GDF15: variants seen among roughly 807,000 people sequenced by gnomAD.
GDF15 encodes growth differentiation factor 15, also known as growth/differentiation factor 15.
GDF15 carries 10 observed loss-of-function variants against 8.9 expected under a neutral mutation model. The observed-to-expected ratio is 1.12, with a 90% CI of 0.69 to 1.90. The LOEUF (loss-of-function observed/expected upper bound fraction) is 1.90. Ranked by LOEUF, GDF15 falls within the 40% of genes most tolerant of loss-of-function variation. The pLI is 0.00. For synonymous variants in GDF15, 228 were observed against 210.6 expected, an observed-to-expected ratio of 1.08 and a Z score of -0.72; for missense variants, 452 against 434.2, an observed-to-expected ratio of 1.04 and a Z score of -0.36.
In GDF15 at chr19:18,386,200, A is replaced by T. The variant is rs373073926; in HGVS notation, c.11A>T (p.Gln4Leu). 7 of 1,611,534 alleles carry T rather than the reference A, an allele frequency of 4.3e-6. No individual in the cohort carries two copies. The African/African-American group carries it at 9.4e-5, about 22-fold the overall frequency. Reference protein sequence around the residue: MPGQELRTVNGSQM... With the variant: MPGLELRTVNGSQM... ...GCAACCTGCACAGCCATGCCCGGGC[A>T]AGAACTCAGGACGGTGAATGGCTCT... The change falls in exon 1 of 2, where the codon CAA becomes CTA. Residue 4 changes from glutamine to leucine, a missense_variant. By Grantham distance (113) the Gln-to-Leu change is moderately radical. Coordinates refer to ENST00000252809, the MANE Select transcript of GDF15 (RefSeq NM_004864.4).
In GDF15 at chr19:18,386,400, C is replaced by A. The variant is rs771892633; in HGVS notation, c.211C>A (p.Gln71Lys). 1 of 1,613,954 alleles carries A rather than the reference C, an allele frequency of 6.2e-7. No homozygotes were observed. The highest frequency in any genetic ancestry group is 8.5e-7 in the Non-Finnish European group (1 of 1,180,006). ...EDLLTRLRAN[Q>K]SWEDSNTDLV... is the part of the protein sequence containing the mutation. Reference sequence around the variant, plus strand: ...CCTGCTAACCAGGCTGCGGGCCAACCAGAGCTGGGAAGATTCGAACACCGA... The same window carrying A: ...CCTGCTAACCAGGCTGCGGGCCAACAAGAGCTGGGAAGATTCGAACACCGA... Residue 71 changes from glutamine to lysine, a missense_variant, in exon 1 of 2, where the codon CAG becomes AAG. By Grantham distance (53) the Gln-to-Lys change is moderately conservative. Coordinates refer to ENST00000252809, the MANE Select transcript of GDF15 (RefSeq NM_004864.4).
chr19:18,386,400 C>G lies in GDF15; in HGVS notation c.211C>G (p.Gln71Glu). The change falls in exon 1 of 2, where the codon CAG (glutamine) becomes GAG (glutamate). Residue 71 changes from glutamine (Q) to glutamate (E), a missense_variant. By Grantham distance (29) the Gln-to-Glu change is conservative. Coordinates refer to ENST00000252809, the MANE Select transcript of GDF15 (RefSeq NM_004864.4). ...EDLLTRLRAN[Q>E]SWEDSNTDLV... ...CCTGCTAACCAGGCTGCGGGCCAAC[C>G]AGAGCTGGGAAGATTCGAACACCGA... 6.2e-7 allele frequency: 1 copy of G among 1,613,954 alleles called. No individual in the cohort carries two copies. The highest frequency in any genetic ancestry group is 2.2e-5 in the East Asian group (1 of 44,886).
intron 1 of GDF15, chr19:18,387,114 C>G (rs903173632): frequency 6.5e-5 from 10 of 153,258 alleles, no homozygotes; most frequent in African/African-American, 2.4e-4. Context: ...AAACCTCTCA[C>G]CCTTGCTAAG....
rs531728821 is a variant in GDF15 at position 18,386,552 on chromosome 19, C to A, written c.277+86C>A. ...ATTCCTCATCTTGAAAAGCCCAGAC[C>A]TACCTTTGAGCCTCAGTTGCCCCAT... is the stretch of plus-strand genomic sequence containing the variant. On this transcript the variant is annotated intron_variant, in intron 1 of 1. Coordinates refer to ENST00000252809, the MANE Select transcript of GDF15 (RefSeq NM_004864.4). 15 of 1,194,506 alleles carry A rather than the reference C, an allele frequency of 1.3e-5. No homozygotes were observed. The African/African-American group carries it at 2.1e-4, about 17-fold the overall frequency. The allele number at this position is 1,194,506 out of a possible 1,614,324, so 74.0% of individuals were successfully genotyped here. A position where few individuals can be genotyped will look rare whatever the true frequency, so the allele number is the denominator to read the frequency against.
In GDF15 at chr19:18,388,290, G is replaced by A. The variant is rs761494251; in HGVS notation, c.282G>A (p.Arg94=). 2.5e-6 allele frequency: 4 copies of A among 1,610,122 alleles called. No homozygotes were observed. The African/African-American group carries it at 5.3e-5, about 22-fold the overall frequency. ...TCCCTATCTGTCTTCCCACAGTGCGGCTGGGATCCGGCGGCCACCTGCACC... is the reference window on the plus strand; with the variant it reads ...TCCCTATCTGTCTTCCCACAGTGCGACTGGGATCCGGCGGCCACCTGCACC... ...PAVRILTPEV[R]LGSGGHLHLR... The change falls in exon 2 of 2, where the codon CGG becomes CGA. Residue 94 remains arginine (R), a synonymous_variant. Transcript: ENST00000252809. The surrounding 1 kb of genome is among the most constrained non-coding windows in gnomAD (Gnocchi z 4.2).
At position 18,386,244 on chromosome 19, in the gene GDF15, C is replaced by A. The variant is rs751332608; in HGVS notation, c.55C>A (p.Leu19Met). ...TGGCTCTCAGATGCTCCTGGTGTTG[C>A]TGGTGCTCTCGTGGCTGCCGCATGG... ...VNGSQMLLVL[L>M]VLSWLPHGGA... is the part of the protein sequence containing the mutation. Residue 19 changes from leucine (L) to methionine (M), a missense_variant, in exon 1 of 2, where the codon CTG becomes ATG. Coordinates refer to ENST00000252809, the MANE Select transcript of GDF15 (RefSeq NM_004864.4). The A allele has an allele frequency of 1.2e-6, 2 of 1,613,578 alleles. No individual in the cohort carries two copies. The highest frequency in any genetic ancestry group is 1.7e-6 in the Non-Finnish European group (2 of 1,180,024).
chr19:18,386,879 C>T (rs1247227115), intron 1 of GDF15: 1 of 197,360 alleles, frequency 5.1e-6, no homozygotes, highest in African/African-American at 2.3e-5. Context: ...GGAGCTGGTT[C>T]TGAATCTGAT....
intron 1 of GDF15, among the ~76,000 whole-genome samples, chr19:18,387,800 G>A (rs1465759919): frequency 1.8e-5 from 2 of 111,138 alleles, no homozygotes; most frequent in African/African-American, 7.5e-5. Flanking sequence ...GGAGATTCAA[G>A]GGGAGAAATG....
Position 18,388,611 on chromosome 19 carries a change from C to T in GDF15, c.603C>T (p.Asp201=). The change falls in exon 2 of 2, where the codon GAC becomes GAT. Residue 201 remains aspartate (D), a synonymous_variant. Transcript: ENST00000252809. The surrounding 1 kb of genome is among the most constrained non-coding windows in gnomAD (Gnocchi z 4.2). Reference sequence around the variant, plus strand: ...GCAGAGCGCGTGCGCGCAACGGGGACCACTGTCCGCTCGGGCCCGGGCGTT... The same window carrying T: ...GCAGAGCGCGTGCGCGCAACGGGGATCACTGTCCGCTCGGGCCCGGGCGTT... ...GRRRARARNG[D]HCPLGPGRCC... The T allele has an allele frequency of 3.8e-6, 6 of 1,599,946 alleles. No individual in the cohort carries two copies. The highest frequency in any genetic ancestry group is 5.1e-6 in the Non-Finnish European group (6 of 1,176,390).
At position 18,388,789 on chromosome 19, in the gene GDF15, C is replaced by CTGG. The variant is rs1971866379; in HGVS notation, c.783_784insGTG (p.Leu261_His262insVal). ...CATGCACGCGCAGATCAAGACGAGC[C>CTGG]TGCACCGCCTGAAGCCCGACACGGT... is the stretch of plus-strand genomic sequence containing the variant. On this transcript the variant is annotated inframe_insertion, in exon 2 of 2. Transcript: ENST00000252809. The surrounding 1 kb of genome is among the most constrained non-coding windows in gnomAD (Gnocchi z 4.2). 1 of 1,611,480 alleles carries CTGG rather than the reference C, an allele frequency of 6.2e-7. No individual in the cohort carries two copies. The highest frequency in any genetic ancestry group is 1.7e-5 in the Admixed American group (1 of 59,982).
rs1600251665 is a variant in GDF15, at chr19:18,389,027, C to T, written c.*92C>T. The T allele has an allele frequency of 2.6e-6, 2 of 778,526 alleles. No individual in the cohort carries two copies. Among genetic ancestry groups the T allele is most frequent in the East Asian group, 2.6e-5 (1 of 38,780 alleles). The allele number at this position is 778,526 out of a possible 1,614,324, so 48.2% of individuals were successfully genotyped here. On this transcript the variant is annotated 3_prime_UTR_variant, in exon 2 of 2. Transcript: ENST00000252809. ...ATGGGCTCAAGGTTCCTGAGACACC[C>T]GATTCCTGCCCAAACAGCTGTATTT...
Position 18,389,002 on chromosome 19 carries a change from A to T in GDF15, c.*67A>T. 8.7e-7 allele frequency: 1 copy of T among 1,154,356 alleles called. No individual in the cohort carries two copies. The highest frequency in any genetic ancestry group is 1.2e-6 in the Non-Finnish European group (1 of 809,306). The allele number at this position is 1,154,356 out of a possible 1,614,324, so 71.5% of individuals were successfully genotyped here. On this transcript the variant is annotated 3_prime_UTR_variant, in exon 2 of 2. Coordinates refer to ENST00000252809, the MANE Select transcript of GDF15 (RefSeq NM_004864.4). ...GACCTCAGTTGTCCTGCCCTGTGGA[A>T]TGGGCTCAAGGTTCCTGAGACACCC...
rs1426492616 is a variant in GDF15 at position 18,388,734 on chromosome 19, C to T, written c.726C>T (p.Gly242=). 4 of 1,608,578 alleles carry T rather than the reference C, an allele frequency of 2.5e-6. No homozygotes were observed. Among genetic ancestry groups the T allele is most frequent in the Non-Finnish European group, 2.5e-6 (3 of 1,179,310 alleles). ...AGGTGCAAGTGACCATGTGCATCGG[C>T]GCGTGCCCGAGCCAGTTCCGGGCGG... ...PREVQVTMCI[G]ACPSQFRAAN... Residue 242 remains glycine, a synonymous_variant, in exon 2 of 2, where the codon GGC becomes GGT. Coordinates refer to ENST00000252809, the MANE Select transcript of GDF15 (RefSeq NM_004864.4). This position sits in a 1 kb window ranked among gnomAD's most constrained non-coding sequence, Gnocchi z 4.2.
intron 1 of GDF15, chr19:18,386,765 C>T (rs1461910393): frequency 6.8e-6 from 3 of 440,518 alleles, no homozygotes; most frequent in East Asian, 4.3e-5. Context: ...CGGGGTCGGG[C>T]GTGCGGTGTG....
At chr19:18,386,847 T>A in intron 1 of GDF15, 1 of 213,490 alleles carries the variant, frequency 4.7e-6, no homozygotes, top group Non-Finnish European at 9.5e-6. Context: ...TGGATAGAAG[T>A]TTGTGATGGG....
At chr19:18,387,884 C>A (rs1383093299) in intron 1 of GDF15, among the ~76,000 whole-genome samples, 1 of 136,690 alleles carries the variant, frequency 7.3e-6, no homozygotes, top group Non-Finnish European at 1.5e-5. Flanking sequence ...TGCAGTGGCA[C>A]GATCTTGGCT....
At chr19:18,386,645 C>T (rs904256084) in intron 1 of GDF15, 179 bp downstream of exon 1, 16 of 617,476 alleles carry the variant, frequency 2.6e-5, no homozygotes, top group South Asian at 8.0e-5. Flanking sequence ...CTGATTTGCA[C>T]CCACAACGTG....
In GDF15 at chr19:18,388,159, A is replaced by G. The variant is rs1971852475; in HGVS notation, c.278-127A>G. 2 of 790,628 alleles carry G rather than the reference A, an allele frequency of 2.5e-6. No individual in the cohort carries two copies. The highest frequency in any genetic ancestry group is 4.0e-6 in the Non-Finnish European group (2 of 497,128). The allele number at this position is 790,628 out of a possible 1,614,324, so 49.0% of individuals were successfully genotyped here. On this transcript the variant is annotated intron_variant, in intron 1 of 1. Transcript: ENST00000252809. The surrounding 1 kb of genome is among the most constrained non-coding windows in gnomAD (Gnocchi z 4.2). ...CGGAGAAATGCTCTTGGTAGGGGAA[A>G]TAACTTGTGCAAAGGCGCCGCCGCC...
At chr19:18,387,813 CTTTTTTT>C (rs538473844) in intron 1 of GDF15, among the ~76,000 whole-genome samples, 17,897 of 70,204 alleles carry the variant, frequency 0.25, 2,245 homozygotes, top group South Asian at 0.37. Flanking sequence ...GAGAAATGCC[CTTTTTTT>C]TTTTTTTTTT....
Sources: allele counts gnomAD v4.1 joint callset (sites outside exome capture counted in the v4.1 genomes callset), GRCh38; gene constraint gnomAD v4.1.1; non-coding constraint Gnocchi (gnomAD v3.1); transcripts MANE v1.5; gene names NCBI Gene and HGNC (gene_info 2026-07-23, HGNC 2026-07-21).